The following RGS7 variants were observed in gnomAD, a reference collection of about 807,000 sequenced individuals.
RGS7 encodes the protein regulator of G protein signaling 7, also known as regulator of G-protein signaling 7.
Under a neutral mutation model 81.1 loss-of-function variants are expected in RGS7, and 27 were observed. The observed-to-expected ratio is 0.33, with a 90% CI of 0.25 to 0.46. The LOEUF is 0.46. RGS7 is among the 20% of genes least tolerant of loss of function. The pLI is 1.00. For missense variants in RGS7, 396 were observed against 607.4 expected (o/e 0.65, Z 3.66); for synonymous variants, 208 against 207.7 (o/e 1.00, Z -0.01).
chr1:240,834,673 G>A (rs1291159417), intron 9 of RGS7, among the ~76,000 whole-genome samples: 1 of 151,992 alleles, frequency 6.6e-6, no homozygotes, highest in Non-Finnish European at 1.5e-5. Flanking sequence ...ACCACGCCCA[G>A]CTAATTTTTT....
intron 9 of RGS7, among the ~76,000 whole-genome samples, chr1:240,855,998 T>A (rs546928805): frequency 6.6e-6 from 1 of 152,336 alleles, no homozygotes. Flanking sequence ...CTTTTATACA[T>A]GGTCAGTTTA....
chr1:240,917,922 C>T (rs925087758), intron 6 of RGS7, among the ~76,000 whole-genome samples: 10 of 152,124 alleles, frequency 6.6e-5, no homozygotes, highest in Admixed American at 1.3e-4. Context: ...GAAAGATATG[C>T]CATGCTAAAA....
chr1:241,309,386 C>CAAAAAA (rs71571833), intron 2 of RGS7, among the ~76,000 whole-genome samples: 2 of 85,278 alleles, frequency 2.3e-5, no homozygotes, highest in Non-Finnish European at 4.4e-5. Context: ...AACTCCAACT[C>CAAAAAA]AAAAAAAAAA....
At chr1:240,989,570 C>T (rs1015635061) in intron 3 of RGS7, among the ~76,000 whole-genome samples, 2 of 152,038 alleles carry the variant, frequency 1.3e-5, no homozygotes, top group African/African-American at 4.8e-5. Context: ...TTCCTAAAAC[C>T]CTATTACTGA....
intron 9 of RGS7, among the ~76,000 whole-genome samples, chr1:240,849,160 G>T (rs1273516763): frequency 6.6e-6 from 1 of 152,138 alleles, no homozygotes; most frequent in Non-Finnish European, 1.5e-5. Context: ...TTTCCAGAGA[G>T]GTGTATCTCT....
chr1:241,301,583 G>C (rs1008294028), intron 2 of RGS7, among the ~76,000 whole-genome samples: 1 of 152,202 alleles, frequency 6.6e-6, no homozygotes, highest in African/African-American at 2.4e-5. Context: ...AATGGAGTGA[G>C]AGACATTCTG....
chr1:241,158,936 T>C (rs1030853598), intron 2 of RGS7, among the ~76,000 whole-genome samples: 1 of 150,200 alleles, frequency 6.7e-6, no homozygotes, highest in Non-Finnish European at 1.5e-5. Flanking sequence ...AATCTACCCA[T>C]GAAACCGTCT....
intron 2 of RGS7, among the ~76,000 whole-genome samples, chr1:241,165,803 C>G (rs12066691): frequency 0.042 from 6,381 of 150,312 alleles, 463 homozygotes; most frequent in African/African-American, 0.15. Flanking sequence ...AAAAAAAAAC[C>G]AGCCCTGAAA....
chr1:240,825,979 G>T (rs1455742311), intron 10 of RGS7, among the ~76,000 whole-genome samples: 1 of 152,188 alleles, frequency 6.6e-6, no homozygotes, highest in Non-Finnish European at 1.5e-5. Context: ...AAAGTGGAGA[G>T]AGGTGGCTTA....
At chr1:240,802,837 G>T in intron 16 of RGS7, 67 bp downstream of exon 16, 1 of 989,108 alleles carries the variant, frequency 1.0e-6, no homozygotes, top group Non-Finnish European at 1.6e-6. Context: ...TTCAGCAGAG[G>T]TAATTACTCC....
chr1:240,926,647 C>T (rs1674486521), intron 6 of RGS7, among the ~76,000 whole-genome samples: 1 of 152,172 alleles, frequency 6.6e-6, no homozygotes, highest in Non-Finnish European at 1.5e-5. Flanking sequence ...CCAAAGCTCT[C>T]TTGAGTTTTC....
intron 2 of RGS7, among the ~76,000 whole-genome samples, chr1:241,103,812 T>C (rs2064930250): frequency 6.6e-6 from 1 of 152,212 alleles, no homozygotes; most frequent in Admixed American, 6.5e-5. Context: ...AGGTCAAGGC[T>C]GCAGTGAGCT....
chr1:241,069,970 T>C (rs774540052), intron 3 of RGS7, among the ~76,000 whole-genome samples: 1 of 152,172 alleles, frequency 6.6e-6, no homozygotes, highest in Non-Finnish European at 1.5e-5. Context: ...GATGAGAAAA[T>C]TGGGTTTCAG....
intron 2 of RGS7, among the ~76,000 whole-genome samples, chr1:241,132,592 G>A (rs2067181567): frequency 6.6e-6 from 1 of 152,198 alleles, no homozygotes; most frequent in Admixed American, 6.5e-5. Context: ...AGGACAGCAT[G>A]AAAGCCCATG....
At chr1:240,898,440 A>C (rs1330918157) in intron 6 of RGS7, among the ~76,000 whole-genome samples, 2 of 152,046 alleles carry the variant, frequency 1.3e-5, no homozygotes, top group Admixed American at 1.3e-4. Context: ...ATTTCCCTCT[A>C]CACACTGCTT....
chr1:240,889,405 A>T (rs1323725065), intron 6 of RGS7, among the ~76,000 whole-genome samples: 1 of 152,156 alleles, frequency 6.6e-6, no homozygotes, highest in Non-Finnish European at 1.5e-5. Context: ...CAGGAATGGG[A>T]CACCAGCAGC....
At chr1:241,235,966 A>C (rs116732360) in intron 2 of RGS7, among the ~76,000 whole-genome samples, 25,162 of 144,336 alleles carry the variant, frequency 0.17, 2,322 homozygotes, top group Middle Eastern at 0.2. Context: ...AGGAGAGAGT[A>C]AGAGTTAGCT....
intron 3 of RGS7, among the ~76,000 whole-genome samples, chr1:241,078,099 A>G (rs115813688): frequency 0.034 from 5,024 of 149,286 alleles, 307 homozygotes; most frequent in African/African-American, 0.12. Context: ...ATAGATCTCC[A>G]TGGCCTGTGC....
At chr1:241,309,407 A>G (rs1558301665) in intron 2 of RGS7, among the ~76,000 whole-genome samples, 1 of 139,206 alleles carries the variant, frequency 7.2e-6, no homozygotes, top group African/African-American at 2.6e-5. Context: ...AAAAAAAAGG[A>G]AAAAGAAAAA....
Sources: gnomAD v4.1 joint callset for allele counts (sites outside exome capture counted in the v4.1 genomes callset) on GRCh38, gnomAD v4.1.1 for gene constraint, MANE v1.5 for transcripts, NCBI Gene and HGNC (gene_info 2026-07-23, HGNC 2026-07-21) for gene names.